Variants in SPAG16 observed in about 807,000 individuals in gnomAD.
The protein encoded by SPAG16 is sperm-associated antigen 16 protein.
A neutral mutation model predicts 80.4 loss-of-function variants in SPAG16; 86 were observed. The observed-to-expected ratio is 1.07, with a 90% CI of 0.90 to 1.28. The LOEUF is 1.28. Ranked by LOEUF, SPAG16 falls within the 50% of genes most tolerant of loss-of-function variation. SPAG16 has a pLI of 0.00. For missense variants in SPAG16, 870 were observed against 765.3 expected (o/e 1.14, Z -1.61); for synonymous variants, 294 against 265.9 (o/e 1.11, Z -1.03).
chr2:213,603,496 G>A (rs1173163619), intron 10 of SPAG16, among the ~76,000 whole-genome samples: 2 of 152,142 alleles, frequency 1.3e-5, no homozygotes, highest in Non-Finnish European at 2.9e-5. Flanking sequence ...TTGTCTCACT[G>A]AGGGAATTCA....
At chr2:213,849,184 G>T (rs903749684) in intron 10 of SPAG16, among the ~76,000 whole-genome samples, 2 of 152,100 alleles carry the variant, frequency 1.3e-5, no homozygotes, top group Admixed American at 1.3e-4. Context: ...CAGATCACAC[G>T]GCAGGAGATG....
chr2:214,130,419 A>T (rs1338751859), intron 14 of SPAG16, among the ~76,000 whole-genome samples: 1 of 152,144 alleles, frequency 6.6e-6, no homozygotes, highest in South Asian at 2.1e-4. Context: ...TGAAGACTTC[A>T]TTTTGTCTGT....
At chr2:213,642,980 G>A (rs2062657999) in intron 10 of SPAG16, among the ~76,000 whole-genome samples, 1 of 151,540 alleles carries the variant, frequency 6.6e-6, no homozygotes, top group East Asian at 1.9e-4. Flanking sequence ...GCCTGCAGAT[G>A]GCTTATTGTG....
chr2:213,985,884 C>G (rs2045975310), intron 12 of SPAG16, among the ~76,000 whole-genome samples: 1 of 152,044 alleles, frequency 6.6e-6, no homozygotes, highest in South Asian at 2.1e-4. Context: ...AGGAATGGCC[C>G]TCCAACATGC....
At chr2:213,600,492 C>A (rs946658811) in intron 10 of SPAG16, among the ~76,000 whole-genome samples, 2 of 152,094 alleles carry the variant, frequency 1.3e-5, no homozygotes, top group Non-Finnish European at 2.9e-5. Flanking sequence ...CTTCTATGTT[C>A]CTAGTATTGT....
chr2:213,892,052 C>G (rs1457499811), intron 11 of SPAG16, among the ~76,000 whole-genome samples: 2 of 152,100 alleles, frequency 1.3e-5, no homozygotes, highest in Admixed American at 1.3e-4. Context: ...AAAATGTAAT[C>G]TGTAATTTGG....
intron 10 of SPAG16, among the ~76,000 whole-genome samples, chr2:213,730,602 A>ATT (rs1169661575): frequency 6.6e-6 from 1 of 152,060 alleles, no homozygotes; most frequent in East Asian, 1.9e-4. Flanking sequence ...TATTTCCCCT[A>ATT]TGGGTTCTTT....
chr2:213,404,244 T>C (rs1048207220), intron 9 of SPAG16, among the ~76,000 whole-genome samples: 1 of 152,156 alleles, frequency 6.6e-6, no homozygotes, highest in Admixed American at 6.5e-5. Flanking sequence ...GAGCCCGCAT[T>C]GCCAAGTCAA....
At chr2:213,702,850 T>TGCA (rs1264672263) in intron 10 of SPAG16, among the ~76,000 whole-genome samples, 1 of 152,188 alleles carries the variant, frequency 6.6e-6, no homozygotes, top group Non-Finnish European at 1.5e-5. Context: ...AACAAGCTGC[T>TGCA]AATGGGAAGG....
intron 13 of SPAG16, among the ~76,000 whole-genome samples, chr2:214,097,411 C>T (rs2052663798): frequency 6.6e-6 from 1 of 151,950 alleles, no homozygotes; most frequent in African/African-American, 2.4e-5. Context: ...CTGGCAGGTG[C>T]ACTTGAAGTG....
rs374274176 is a variant in SPAG16 at position 213,980,725 on chromosome 2, T to TATATATATATATATATAG, written c.1401-33225_1401-33224insTATATATATATATATAGA. ...GTGTGTGTGTGTGTATATATATATA[T>TATATATATATATATATAG]AGAGAGAGAGAGAGAGAGAGAGAGA... On this transcript the variant is annotated intron_variant, in intron 12 of 15. Transcript: ENST00000331683. Among the ~76,000 whole-genome samples the TATATATATATATATATAG allele has an allele frequency of 7.9e-4, 82 of 103,974 alleles. 1 individual carries two copies. The highest frequency in any genetic ancestry group is 1.6e-3 in the African/African-American group (32 of 20,084). 68.2% of individuals were successfully genotyped at this position (103,974 alleles called of 152,430 possible).
At chr2:213,726,574 G>T (rs1107324) in intron 10 of SPAG16, among the ~76,000 whole-genome samples, 2 of 152,082 alleles carry the variant, frequency 1.3e-5, no homozygotes, top group Non-Finnish European at 2.9e-5. Context: ...AAGATAAATC[G>T]GGAGCTCGCC....
chr2:214,224,724 G>A (rs1184224208), intron 15 of SPAG16, among the ~76,000 whole-genome samples: 1 of 152,076 alleles, frequency 6.6e-6, no homozygotes, highest in Admixed American at 6.6e-5. Flanking sequence ...TGTTTTACTT[G>A]TTGAAAGTAA....
intron 10 of SPAG16, among the ~76,000 whole-genome samples, chr2:213,641,267 G>A (rs1304689052): frequency 6.6e-6 from 1 of 152,188 alleles, no homozygotes; most frequent in Non-Finnish European, 1.5e-5. Flanking sequence ...AAGCCAGCAA[G>A]GCCAGTCTCA....
chr2:213,462,335 C>A (rs2072421811), intron 9 of SPAG16, among the ~76,000 whole-genome samples: 1 of 152,166 alleles, frequency 6.6e-6, no homozygotes. Flanking sequence ...CAAATTGATG[C>A]CTCAGCCATA....
chr2:214,336,295 G>A (rs1341471277), intron 15 of SPAG16, among the ~76,000 whole-genome samples: 4 of 152,028 alleles, frequency 2.6e-5, no homozygotes, highest in African/African-American at 9.7e-5. Flanking sequence ...CTTTGAAATG[G>A]GTGGGGTCTC....
At chr2:214,064,838 G>T (rs1437283339) in intron 13 of SPAG16, among the ~76,000 whole-genome samples, 1 of 151,890 alleles carries the variant, frequency 6.6e-6, no homozygotes, top group Non-Finnish European at 1.5e-5. Flanking sequence ...AATAACTATA[G>T]ATTGAATTAA....
chr2:213,379,160 C>T (rs968553127), intron 9 of SPAG16, among the ~76,000 whole-genome samples: 1 of 152,134 alleles, frequency 6.6e-6, no homozygotes, highest in Non-Finnish European at 1.5e-5. Context: ...GTTGTGGGAA[C>T]AGGAAGCAAG....
chr2:213,524,403 C>G (rs1251512308), intron 10 of SPAG16, among the ~76,000 whole-genome samples: 1 of 152,150 alleles, frequency 6.6e-6, no homozygotes, highest in Non-Finnish European at 1.5e-5. Flanking sequence ...GGGGTTGGTG[C>G]TGCCTAGTGG....
Sources: gnomAD v4.1 joint callset for allele counts (sites outside exome capture counted in the v4.1 genomes callset) on GRCh38, gnomAD v4.1.1 for gene constraint, MANE v1.5 for transcripts, NCBI Gene and HGNC (gene_info 2026-07-23, HGNC 2026-07-21) for gene names.